VPS13D: variants seen among roughly 807,000 people sequenced by gnomAD.
VPS13D encodes vacuolar protein sorting 13 homolog D, also known as intermembrane lipid transfer protein VPS13D.
Under a neutral mutation model 461.9 loss-of-function variants are expected in VPS13D, and 187 were observed. The ratio of observed to expected loss-of-function variants is 0.40; its 90% CI spans 0.36 to 0.46. The LOEUF (loss-of-function observed/expected upper bound fraction) is 0.46. Among genes scored for constraint, VPS13D ranks in the 20% least tolerant of loss-of-function variants. The pLI is 0.60. For synonymous variants in VPS13D, 1,951 were observed against 1,986.3 expected, an observed-to-expected ratio of 0.98 and a Z score of 0.47; for missense variants, 4,711 against 5,364.9, an observed-to-expected ratio of 0.88 and a Z score of 3.81.
chr1:12,386,167 ATT>A lies in VPS13D; in HGVS notation c.11485-15_11485-14del. Reference sequence around the variant, plus strand: ...GTGTTTAAAACAATCAGGGTGCCATATTTTGGTTTCCTTTCAGGTGCTTGTGA... The same window carrying A: ...GTGTTTAAAACAATCAGGGTGCCATATTGGTTTCCTTTCAGGTGCTTGTGA... On this transcript the variant is annotated splice_polypyrimidine_tract_variant and intron_variant, in intron 59 of 69. Coordinates refer to ENST00000620676, the MANE Select transcript of VPS13D (RefSeq NM_015378.4). 6.2e-7 allele frequency: 1 copy of A among 1,600,926 alleles called. No individual in the cohort carries two copies. Among genetic ancestry groups the A allele is most frequent in the Non-Finnish European group, 8.5e-7 (1 of 1,174,582 alleles).
chr1:12,493,504 CTA>C lies in VPS13D; in HGVS notation c.12663-3995_12663-3994del, dbSNP rs1432703020. The stretch of plus-strand genomic sequence containing the variant: ...TCTCAAAAAAAAAAAAAAAAAAAGA[CTA>C]GAGTCCTTTCCCTCCAGGTGCTCAT... On this transcript the variant is annotated intron_variant, in intron 67 of 69. Coordinates refer to ENST00000620676, the MANE Select transcript of VPS13D (RefSeq NM_015378.4). Among the ~76,000 whole-genome samples the C allele has an allele frequency of 2.7e-5, 4 of 147,880 alleles. No individual in the cohort carries two copies. In the East Asian group the frequency reaches 6.0e-4, roughly 22 times the overall value.
Position 12,282,799 on chromosome 1 carries a change from C to T in VPS13D, c.4697C>T (p.Thr1566Ile), listed in dbSNP as rs765661568. 9.9e-6 allele frequency: 16 copies of T among 1,613,992 alleles called. No homozygotes were observed. In the Admixed American group the frequency reaches 1.8e-4, roughly 18 times the overall value. Residue 1566 changes from threonine to isoleucine, a missense_variant, in exon 21 of 70, where the codon ACC (threonine) becomes ATC (isoleucine). This residue lies in a region of VPS13D where 4,411 missense variants were observed against 4,937.8 expected (regional missense o/e 0.89). Coordinates refer to ENST00000620676, the MANE Select transcript of VPS13D (RefSeq NM_015378.4). ...CTGAATAAGTATCCAGCCAGTGCTACCTCCTCCCCTTGCCCTGATTCTCCT... is the reference window on the plus strand; with the variant it reads ...CTGAATAAGTATCCAGCCAGTGCTATCTCCTCCCCTTGCCCTGATTCTCCT... ...EDLNKYPASA[T>I]SSPCPDSPLP...
Position 12,276,589 on chromosome 1 carries a change from C to G in VPS13D, c.3001C>G (p.His1001Asp). ...PYDAEVSLTVHGLLLVDTMQT... is the reference protein window; with the variant it reads ...PYDAEVSLTVDGLLLVDTMQT... The stretch of plus-strand genomic sequence containing the variant: ...TGATGCTGAAGTCTCCCTAACTGTT[C>G]ATGGTTTGCTCCTGGTGGATACCAT... The change falls in exon 19 of 70, where the codon CAT (histidine) becomes GAT (aspartate). Residue 1001 changes from histidine to aspartate, a missense_variant. Around this residue, in one of 3 missense-constraint regions of VPS13D, gnomAD observed 4,411 missense variants for 4,937.8 expected, o/e 0.89. Coordinates refer to ENST00000620676, the MANE Select transcript of VPS13D (RefSeq NM_015378.4). This position sits in a 1 kb window ranked among gnomAD's most constrained non-coding sequence, Gnocchi z 4.5. The G allele has an allele frequency of 6.2e-7, 1 of 1,614,204 alleles. No individual in the cohort carries two copies. Among genetic ancestry groups the G allele is most frequent in the East Asian group, 2.2e-5 (1 of 44,890 alleles).
intron 24 of VPS13D, among the ~76,000 whole-genome samples, chr1:12,294,456 C>T (rs1349481010): frequency 1.3e-5 from 2 of 152,150 alleles, no homozygotes. Context: ...TATTGAATGC[C>T]AACTACCACA....
At chr1:12,261,762 C>T in intron 12 of VPS13D, 139 bp from the exon 13 acceptor site, 1 of 683,876 alleles carries the variant, frequency 1.5e-6, no homozygotes, top group Non-Finnish European at 2.4e-6. Context: ...ATAAAATAGT[C>T]ACCCATGACT....
intron 2 of VPS13D, among the ~76,000 whole-genome samples, chr1:12,238,353 C>A (rs373493999): frequency 6.6e-6 from 1 of 151,088 alleles, no homozygotes; most frequent in Non-Finnish European, 1.5e-5. Context: ...CAGGAAGATC[C>A]CTTGGTCCCA....
At chr1:12,398,958 T>A (rs1208728884) in intron 60 of VPS13D, among the ~76,000 whole-genome samples, 1 of 152,132 alleles carries the variant, frequency 6.6e-6, no homozygotes, top group African/African-American at 2.4e-5. Context: ...AGCAAGGGCC[T>A]CTCTTCTCAG....
chr1:12,237,240 A>T (rs1326605364), intron 2 of VPS13D, among the ~76,000 whole-genome samples: 3 of 152,008 alleles, frequency 2.0e-5, no homozygotes, highest in Non-Finnish European at 4.4e-5. Context: ...AAAGACAAAT[A>T]AAAAAAATAC....
At chr1:12,434,225 G>A (rs193108870) in intron 65 of VPS13D, among the ~76,000 whole-genome samples, 230 of 152,180 alleles carry the variant, frequency 1.5e-3, no homozygotes, top group African/African-American at 5.1e-3. Context: ...TTGAAATGCC[G>A]TTGGTCAGCT....
At chr1:12,393,422 G>A (rs1038120213) in intron 60 of VPS13D, among the ~76,000 whole-genome samples, 3 of 152,216 alleles carry the variant, frequency 2.0e-5, no homozygotes, top group South Asian at 2.1e-4. Context: ...GGAGAAAAAG[G>A]CATTTGCCAA....
chr1:12,449,151 AGGTCATT>A (rs1381545330), intron 65 of VPS13D, among the ~76,000 whole-genome samples: 1 of 151,838 alleles, frequency 6.6e-6, no homozygotes, highest in Non-Finnish European at 1.5e-5. Flanking sequence ...AAAAAAAGCA[AGGTCATT>A]GGCTTAGGCA....
At chr1:12,485,956 C>G (rs1645791879) in intron 67 of VPS13D, among the ~76,000 whole-genome samples, 1 of 152,202 alleles carries the variant, frequency 6.6e-6, no homozygotes, top group African/African-American at 2.4e-5. Flanking sequence ...TGCCTCCTTC[C>G]TGTCCACAGA....
In VPS13D at chr1:12,379,587, G is replaced by T; in HGVS notation, c.11181G>T (p.Leu3727Phe). 6.2e-7 allele frequency: 1 copy of T among 1,612,360 alleles called. No homozygotes were observed. Among genetic ancestry groups the T allele is most frequent in the South Asian group, 1.1e-5 (1 of 90,698 alleles). The change falls in exon 57 of 70, where the codon TTG (leucine) becomes TTT (phenylalanine). Residue 3727 changes from leucine (L) to phenylalanine (F), a missense_variant. By Grantham distance (22) the Leu-to-Phe change is conservative (BLOSUM62 0). Around this residue, in one of 3 missense-constraint regions of VPS13D, gnomAD observed 4,411 missense variants for 4,937.8 expected, o/e 0.89. Transcript: ENST00000620676. ...AACTGACCTGTGGGTTACATGGGTTGGTCGTCCAGGTCAGTCGTTTTTGAT... is the reference window on the plus strand; with the variant it reads ...AACTGACCTGTGGGTTACATGGGTTTGTCGTCCAGGTCAGTCGTTTTTGAT... ...EGKLTCGLHG[L>F]VVQAKGGLSG...
At chr1:12,305,610 G>A (rs111766725) in intron 26 of VPS13D, among the ~76,000 whole-genome samples, 13 of 152,228 alleles carry the variant, frequency 8.5e-5, no homozygotes, top group African/African-American at 3.1e-4. Context: ...TGTTAAATGT[G>A]TTCTGGATGA....
At chr1:12,236,441 C>T (rs1031510586) in intron 2 of VPS13D, among the ~76,000 whole-genome samples, 1 of 151,954 alleles carries the variant, frequency 6.6e-6, no homozygotes, top group African/African-American at 2.4e-5. Flanking sequence ...AGTGCAGTGG[C>T]GTGATTTCAC....
At chr1:12,261,592 T>A (rs1423078180) in intron 12 of VPS13D, among the ~76,000 whole-genome samples, 1 of 152,258 alleles carries the variant, frequency 6.6e-6, no homozygotes, top group East Asian at 1.9e-4. Flanking sequence ...ATGTGGTTAG[T>A]GGCCACTGTA....
At chr1:12,341,046 G>A (rs960396061) in intron 40 of VPS13D, among the ~76,000 whole-genome samples, 2 of 152,182 alleles carry the variant, frequency 1.3e-5, no homozygotes, top group African/African-American at 2.4e-5. Context: ...TCAGGTCACC[G>A]CTCTTTAGAA....
intron 2 of VPS13D, among the ~76,000 whole-genome samples, chr1:12,237,137 A>G (rs558395807): frequency 8.8e-5 from 13 of 147,984 alleles, no homozygotes; most frequent in African/African-American, 3.4e-4. Flanking sequence ...GTGTATATAT[A>G]TGTGTGTGTG....
In VPS13D at chr1:12,323,800, G is replaced by C. The variant is rs372327671; in HGVS notation, c.7990+20G>C. Reference sequence around the variant, plus strand: ...GTCAAGGTAATTTGAACAGGGTTCTGTTACCCGTTGTTTATCTTGATGATA... The same window carrying C: ...GTCAAGGTAATTTGAACAGGGTTCTCTTACCCGTTGTTTATCTTGATGATA... On this transcript the variant is annotated intron_variant, in intron 35 of 69. Transcript: ENST00000620676. 4 of 1,610,700 alleles carry C rather than the reference G, an allele frequency of 2.5e-6. No homozygotes were observed. Among genetic ancestry groups the C allele is most frequent in the Non-Finnish European group, 8.5e-7 (1 of 1,177,744 alleles).
Sources: allele counts gnomAD v4.1 joint callset (sites outside exome capture counted in the v4.1 genomes callset), GRCh38; gene constraint gnomAD v4.1.1; regional missense constraint gnomAD v4.1.1; non-coding constraint Gnocchi (gnomAD v3.1); transcripts MANE v1.5; gene names NCBI Gene and HGNC (gene_info 2026-07-23, HGNC 2026-07-21).